The following NCAPD3 variants were observed in gnomAD, a reference collection of about 807,000 sequenced individuals.
NCAPD3 encodes the protein non-SMC condensin II complex subunit D3.
A neutral mutation model predicts 182.9 loss-of-function variants in NCAPD3; 105 were observed. The observed-to-expected ratio is 0.57, with a 90% CI of 0.49 to 0.68. The LOEUF (loss-of-function observed/expected upper bound fraction) is 0.68, where lower values mean the gene tolerates loss of function less well. Ranked by LOEUF, NCAPD3 falls within the 30% of genes least tolerant of loss-of-function variation. The pLI is 0.00. For synonymous variants in NCAPD3, 815 were observed against 679.9 expected, an observed-to-expected ratio of 1.20 and a Z score of -3.09; for missense variants, 1,944 against 1,837.0, an observed-to-expected ratio of 1.06 and a Z score of -1.07.
chr11:134,154,756 A>C (rs953031128), intron 32 of NCAPD3, among the ~76,000 whole-genome samples: 2 of 152,248 alleles, frequency 1.3e-5, no homozygotes, highest in African/African-American at 4.8e-5. Context: ...AGGCAGCTTC[A>C]GAGCGCTCCC....
intron 29 of NCAPD3, among the ~76,000 whole-genome samples, chr11:134,159,333 C>A (rs1943514321): frequency 6.6e-6 from 1 of 152,200 alleles, no homozygotes; most frequent in Non-Finnish European, 1.5e-5. Flanking sequence ...ATAGAATCTT[C>A]ACGTACTATG....
intron 13 of NCAPD3, among the ~76,000 whole-genome samples, chr11:134,197,121 T>C (rs1944648165): frequency 6.6e-6 from 1 of 152,102 alleles, no homozygotes; most frequent in Non-Finnish European, 1.5e-5. Context: ...GCTCCCACCA[T>C]GTGAAACGCC....
In NCAPD3 at chr11:134,181,139, G is replaced by A. The variant is rs868209407; in HGVS notation, c.2497C>T (p.His833Tyr). ...VCGDVLSTCE[H>Y]RLSNIVLKEN... ...TTGAGAACGATGTTGGAGAGGCGGTGCTCGCAGGTGGAGAGTACATCCCCA... is the reference window on the plus strand; with the variant it reads ...TTGAGAACGATGTTGGAGAGGCGGTACTCGCAGGTGGAGAGTACATCCCCA... The change falls in exon 20 of 35, where the codon CAC becomes TAC. Residue 833 changes from histidine to tyrosine, a missense_variant. Physicochemically the swap from His to Tyr is moderately conservative, Grantham distance 83. This residue lies in a region of NCAPD3 where 1,803 missense variants were observed against 1,674.6 expected (regional missense o/e 1.08). Coordinates refer to ENST00000534548, the MANE Select transcript of NCAPD3 (RefSeq NM_015261.3). 3.7e-6 allele frequency: 6 copies of A among 1,613,990 alleles called. No homozygotes were observed. In the African/African-American group the frequency reaches 4.0e-5, roughly 11 times the overall value.
rs141661057 is a variant in NCAPD3 at position 134,188,318 on chromosome 11, T to C, written c.2046-2792A>G. ...CAGCATGCTGTGTCTAGCTACAGGA[T>C]TGTAAATGCACCAATCAGCACTCTG... On this transcript the variant is annotated intron_variant, in intron 16 of 34. Coordinates refer to ENST00000534548, the MANE Select transcript of NCAPD3 (RefSeq NM_015261.3). Among the ~76,000 whole-genome samples the C allele has an allele frequency of 4.2e-3, 637 of 152,244 alleles. 4 individuals are homozygous for C. Among genetic ancestry groups the C allele is most frequent in the African/African-American group, 0.015 (610 of 41,538 alleles).
chr11:134,187,197 G>T (rs1373643375), intron 16 of NCAPD3, among the ~76,000 whole-genome samples: 2 of 152,138 alleles, frequency 1.3e-5, no homozygotes, highest in Non-Finnish European at 2.9e-5. Context: ...CATGCTTCAG[G>T]CCCGTCTCCA....
At chr11:134,196,507 G>C (rs575463302) in intron 13 of NCAPD3, among the ~76,000 whole-genome samples, 16 of 151,994 alleles carry the variant, frequency 1.1e-4, no homozygotes, top group African/African-American at 3.9e-4. Flanking sequence ...TTTGCCGGGT[G>C]TGGGGGCGGG....
chr11:134,214,668 T>A (rs558547705), intron 3 of NCAPD3, among the ~76,000 whole-genome samples: 1 of 152,226 alleles, frequency 6.6e-6, no homozygotes, highest in South Asian at 2.1e-4. Context: ...CGATCTAGAT[T>A]GATCAAGAAA....
chr11:134,174,769 G>T (rs1377011150), intron 24 of NCAPD3, among the ~76,000 whole-genome samples: 11 of 152,156 alleles, frequency 7.2e-5, no homozygotes, highest in African/African-American at 2.7e-4. Context: ...AAATGTTTGA[G>T]GTGATGGTTC....
In NCAPD3 at chr11:134,150,438, C is replaced by T. The variant is rs374687667; in HGVS notation, c.*2506G>A. On this transcript the variant is annotated 3_prime_UTR_variant, in exon 35 of 35. Coordinates refer to ENST00000534548, the MANE Select transcript of NCAPD3 (RefSeq NM_015261.3). ...AGCTCACTGTTGCCTCGCTGTCTGC[C>T]AGGAGGCCCTGCCATCCTTGGGCCC... The T allele has an allele frequency of 6.6e-6, 1 of 152,250 alleles. No individual in the cohort carries two copies. Among genetic ancestry groups the T allele is most frequent in the Non-Finnish European group, 1.5e-5 (1 of 68,064 alleles). 9.4% of individuals were successfully genotyped at this position (152,250 alleles called of 1,614,324 possible).
chr11:134,170,176 C>T (rs1359093393), intron 24 of NCAPD3, among the ~76,000 whole-genome samples: 1 of 152,162 alleles, frequency 6.6e-6, no homozygotes, highest in Non-Finnish European at 1.5e-5. Flanking sequence ...ATAATTACAC[C>T]TTGACTATTC....
At chr11:134,163,296 G>C (rs1440406562) in intron 27 of NCAPD3, among the ~76,000 whole-genome samples, 1 of 152,110 alleles carries the variant, frequency 6.6e-6, no homozygotes, top group Admixed American at 6.5e-5. Context: ...GGAATAACCA[G>C]CACTACAGAC....
At position 134,158,597 on chromosome 11, in the gene NCAPD3, G is replaced by T. The variant is rs918738081; in HGVS notation, c.3868-102C>A. On this transcript the variant is annotated intron_variant, in intron 29 of 34. Coordinates refer to ENST00000534548, the MANE Select transcript of NCAPD3 (RefSeq NM_015261.3). ...TGGTTGGGGGTCCATATGAGATTTT[G>T]ATACATGTGGACAACGTAATGATCA... 2.5e-6 allele frequency: 3 copies of T among 1,218,172 alleles called. No individual in the cohort carries two copies. The African/African-American group carries it at 4.5e-5, about 18-fold the overall frequency. 75.5% of individuals were successfully genotyped at this position (1,218,172 alleles called of 1,614,324 possible). A position where few individuals can be genotyped will look rare whatever the true frequency, so the allele number is the denominator to read the frequency against.
In NCAPD3 at chr11:134,151,529, G is replaced by A. The variant is rs902049660; in HGVS notation, c.*1415C>T. 8 of 152,228 alleles carry A rather than the reference G, an allele frequency of 5.3e-5. No homozygotes were observed. The highest frequency in any genetic ancestry group is 2.6e-4 in the Admixed American group (4 of 15,286). The allele number at this position is 152,228 out of a possible 1,614,324, so 9.4% of individuals were successfully genotyped here. A position where few individuals can be genotyped will look rare whatever the true frequency, so the allele number is the denominator to read the frequency against. On this transcript the variant is annotated 3_prime_UTR_variant, in exon 35 of 35. Transcript: ENST00000534548. ...ACCAGGTCTGAAAAAGTAGAGAGAA[G>A]TGAAAGTAGAGTCTGGGAAGTAGCT...
At chr11:134,209,036 T>C in intron 6 of NCAPD3, 85 bp from the exon 7 acceptor site, 1 of 1,452,588 alleles carries the variant, frequency 6.9e-7, no homozygotes, top group Non-Finnish European at 9.6e-7. Context: ...TTTAAATGAA[T>C]AAATTCTACC....
chr11:134,223,730 G>A (rs1158840752), intron 1 of NCAPD3, 133 bp downstream of exon 1: 1 of 1,087,574 alleles, frequency 9.2e-7, no homozygotes, highest in African/African-American at 1.6e-5. Flanking sequence ...ACGGCCCTGG[G>A]GACCCCAGGC....
chr11:134,171,233 C>T (rs887530420), intron 24 of NCAPD3, among the ~76,000 whole-genome samples: 10 of 152,094 alleles, frequency 6.6e-5, no homozygotes, highest in East Asian at 1.9e-4. Flanking sequence ...TCACACAGCA[C>T]GAGCTGCACG....
intron 13 of NCAPD3, among the ~76,000 whole-genome samples, chr11:134,196,645 C>CAAAAAAAAAA (rs998502328): frequency 1.7e-5 from 1 of 57,820 alleles, no homozygotes; most frequent in Non-Finnish European, 3.4e-5. Flanking sequence ...AACTCCATCT[C>CAAAAAAAAAA]AAAAAAAAAA....
At chr11:134,183,426 G>A (rs1944338000) in intron 19 of NCAPD3, among the ~76,000 whole-genome samples, 1 of 152,004 alleles carries the variant, frequency 6.6e-6, no homozygotes, top group Non-Finnish European at 1.5e-5. Context: ...AAATTAGCTG[G>A]GCCTGATAGC....
At chr11:134,167,459 GGCGCACA>G (rs1943874123) in intron 27 of NCAPD3, among the ~76,000 whole-genome samples, 1 of 141,652 alleles carries the variant, frequency 7.1e-6, no homozygotes, top group Non-Finnish European at 1.5e-5. Context: ...GCTTAGGGGA[GGCGCACA>G]CTCACTTGTG....
Sources: allele counts gnomAD v4.1 joint callset (sites outside exome capture counted in the v4.1 genomes callset), GRCh38; gene constraint gnomAD v4.1.1; regional missense constraint gnomAD v4.1.1; transcripts MANE v1.5; gene names NCBI Gene and HGNC (gene_info 2026-07-23, HGNC 2026-07-21).